The following DEPDC5 variants were observed in gnomAD, a reference collection of about 807,000 sequenced individuals.
DEPDC5 encodes the protein GATOR1 complex protein DEPDC5.
In DEPDC5, 73 loss-of-function variants were observed where a neutral mutation model predicts 217.3. That is an observed-to-expected ratio of 0.34 (90% CI 0.28 to 0.41). The LOEUF (loss-of-function observed/expected upper bound fraction) is 0.41. Ranked by LOEUF, DEPDC5 falls within the 10% of genes least tolerant of loss-of-function variation. The pLI is 1.00. For synonymous variants in DEPDC5, 733 were observed against 756.7 expected (o/e 0.97, Z 0.51); for missense variants, 1,675 against 2,070.1 (o/e 0.81, Z 3.70).
In DEPDC5 at chr22:31,810,501, A is replaced by G; in HGVS notation, c.1325-20A>G. The G allele has an allele frequency of 1.2e-6, 2 of 1,613,554 alleles. No individual in the cohort carries two copies. Among genetic ancestry groups the G allele is most frequent in the Non-Finnish European group, 1.7e-6 (2 of 1,179,878 alleles). On this transcript the variant is annotated intron_variant, in intron 19 of 42. Coordinates refer to ENST00000651528, the MANE Select transcript of DEPDC5 (RefSeq NM_001242896.3). ...TTTGAAATGTATTTGATGACAATTT[A>G]TATTATTTGTGTATTTCAGCTCTCG...
intron 20 of DEPDC5, among the ~76,000 whole-genome samples, chr22:31,811,134 A>G (rs756001290): frequency 6.6e-6 from 1 of 150,472 alleles, no homozygotes; most frequent in African/African-American, 2.4e-5. Flanking sequence ...CAATGACACA[A>G]TCTCTGCTCA....
At chr22:31,790,231 A>G (rs752287742) in intron 10 of DEPDC5, among the ~76,000 whole-genome samples, 2 of 152,148 alleles carry the variant, frequency 1.3e-5, no homozygotes, top group Non-Finnish European at 2.9e-5. Flanking sequence ...AATGTACATT[A>G]TATTATGTGC....
chr22:31,881,198 A>T (rs2093165200), intron 38 of DEPDC5, among the ~76,000 whole-genome samples: 1 of 151,166 alleles, frequency 6.6e-6, no homozygotes, highest in South Asian at 2.1e-4. Context: ...GCTACTCCGG[A>T]GGCCGAGGCA....
At chr22:31,782,263 C>G (rs1434574769) in intron 8 of DEPDC5, among the ~76,000 whole-genome samples, 1 of 151,614 alleles carries the variant, frequency 6.6e-6, no homozygotes, top group African/African-American at 2.4e-5. Context: ...TCAGCCTCCC[C>G]AGTAGCTGGG....
At chr22:31,903,274 C>T (rs1163157408) in intron 41 of DEPDC5, among the ~76,000 whole-genome samples, 2 of 70,226 alleles carry the variant, frequency 2.8e-5, no homozygotes, top group Non-Finnish European at 5.5e-5. Context: ...AACCCCCCTA[C>T]GTTCCACACC....
rs2148758633 is a variant in DEPDC5 at position 31,815,017 on chromosome 22, A to C, written c.1471A>C (p.Ser491Arg). ...ATCTGTGCGAGAGCGAGAGAGTCACAGTCGAAAGAGTGCCAGCTCCTGTGA... is the reference window on the plus strand; with the variant it reads ...ATCTGTGCGAGAGCGAGAGAGTCACCGTCGAAAGAGTGCCAGCTCCTGTGA... ...CRSVRERESH[S>R]RKSASSCDVS... The change falls in exon 21 of 43, where the codon AGT becomes CGT. Residue 491 changes from serine (S) to arginine (R), a missense_variant. Physicochemically the swap from Ser to Arg is moderately radical, Grantham distance 110. Transcript: ENST00000651528. 1 of 1,614,114 alleles carries C rather than the reference A, an allele frequency of 6.2e-7. No homozygotes were observed. Among genetic ancestry groups the C allele is most frequent in the Non-Finnish European group, 8.5e-7 (1 of 1,179,980 alleles).
chr22:31,880,675 G>A (rs1203638624), intron 38 of DEPDC5, among the ~76,000 whole-genome samples: 1 of 152,006 alleles, frequency 6.6e-6, no homozygotes, highest in African/African-American at 2.4e-5. Context: ...TGAGGTGGGT[G>A]GATCACTTGA....
At chr22:31,814,897 T>A (rs1828970143) in intron 20 of DEPDC5, 95 bp from the exon 21 acceptor site, 8 of 1,363,826 alleles carry the variant, frequency 5.9e-6, no homozygotes, top group South Asian at 1.3e-5. Context: ...GTTATTGGGT[T>A]CCATGTGGCT....
chr22:31,830,683 C>G (rs192511328), intron 24 of DEPDC5, among the ~76,000 whole-genome samples: 1 of 144,496 alleles, frequency 6.9e-6, no homozygotes, highest in East Asian at 2.0e-4. Context: ...GTAGGTGTGT[C>G]CACTAGAGAT....
At chr22:31,792,202 A>G in intron 11 of DEPDC5, 100 bp downstream of exon 11, 1 of 841,122 alleles carries the variant, frequency 1.2e-6, no homozygotes, top group Admixed American at 2.0e-5. Flanking sequence ...GCACTTTTCC[A>G]CCCTTCCCAT....
In DEPDC5 at chr22:31,802,912, T is replaced by G. The variant is rs12160181; in HGVS notation, c.1081+74T>G. The G allele has an allele frequency of 8.5e-5, 125 of 1,467,108 alleles. No homozygotes were observed. The African/African-American group carries it at 1.6e-3, about 19-fold the overall frequency. The allele number at this position is 1,467,108 out of a possible 1,614,324, so 90.9% of individuals were successfully genotyped here. A position where few individuals can be genotyped will look rare whatever the true frequency, so the allele number is the denominator to read the frequency against. ...TTCCCCTTAGAACTGTGAGCTTCAC[T>G]GACTTCTTAGAGTGTGAGGAGCTCT... On this transcript the variant is annotated intron_variant, in intron 15 of 42. Transcript: ENST00000651528.
At chr22:31,822,902 A>G in intron 24 of DEPDC5, 112 bp downstream of exon 24, 2 of 1,123,542 alleles carry the variant, frequency 1.8e-6, no homozygotes, top group Non-Finnish European at 2.6e-6. Context: ...CATTTCAGCC[A>G]CACTTTTGGG....
At chr22:31,869,596 G>A (rs530574299) in intron 33 of DEPDC5, among the ~76,000 whole-genome samples, 11 of 149,624 alleles carry the variant, frequency 7.4e-5, no homozygotes, top group African/African-American at 2.5e-4. Flanking sequence ...AGACTGATAG[G>A]TTTTTAGCCA....
At chr22:31,845,715 T>A (rs16989547) in intron 30 of DEPDC5, among the ~76,000 whole-genome samples, 5,553 of 152,200 alleles carry the variant, frequency 0.036, 157 homozygotes, top group African/African-American at 0.08. Flanking sequence ...GAACTGGGAT[T>A]CAGCATTTTT....
At chr22:31,824,634 C>T (rs1197883009) in intron 24 of DEPDC5, among the ~76,000 whole-genome samples, 1 of 152,022 alleles carries the variant, frequency 6.6e-6, no homozygotes, top group Non-Finnish European at 1.5e-5. Flanking sequence ...CCCCTCTGTA[C>T]TCAGAGGGCT....
At chr22:31,904,361 G>A (rs968195431) in intron 41 of DEPDC5, among the ~76,000 whole-genome samples, 1 of 152,130 alleles carries the variant, frequency 6.6e-6, no homozygotes, top group African/African-American at 2.4e-5. Context: ...GGTGACCTAA[G>A]GAAGAAATGA....
intron 39 of DEPDC5, 71 bp from the exon 40 acceptor site, chr22:31,897,411 C>T: frequency 2.0e-6 from 3 of 1,533,856 alleles, no homozygotes; most frequent in Non-Finnish European, 1.8e-6. Context: ...CGGGTTTTCT[C>T]CTTGGGAAGT....
intron 31 of DEPDC5, among the ~76,000 whole-genome samples, chr22:31,851,247 G>A (rs1331430880): frequency 6.6e-6 from 1 of 152,122 alleles, no homozygotes; most frequent in Admixed American, 6.5e-5. Context: ...TTGGGTATGT[G>A]GCCTCTTTAT....
In DEPDC5 at chr22:31,792,258, G is replaced by A. The variant is rs12157771; in HGVS notation, c.694+156G>A. On this transcript the variant is annotated intron_variant, in intron 11 of 42. Coordinates refer to ENST00000651528, the MANE Select transcript of DEPDC5 (RefSeq NM_001242896.3). ...TGTAAAAGGGAAAGTAGCACAGTCC[G>A]TTAGTGGATGCAAGAGGTCTGTGGG... Among the ~76,000 whole-genome samples the A allele has an allele frequency of 0.034, 5,199 of 152,098 alleles. 274 individuals are homozygous for A. Among genetic ancestry groups the A allele is most frequent in the African/African-American group, 0.11 (4,759 of 41,454 alleles).
Sources: gnomAD v4.1 joint callset for allele counts (sites outside exome capture counted in the v4.1 genomes callset) on GRCh38, gnomAD v4.1.1 for gene constraint, MANE v1.5 for transcripts, NCBI Gene and HGNC (gene_info 2026-07-23, HGNC 2026-07-21) for gene names.